The following TMEM108 variants were observed in gnomAD, a reference collection of about 807,000 sequenced individuals.
The protein encoded by TMEM108 is cancer/testis antigen 124.
Under a neutral mutation model 35.1 loss-of-function variants are expected in TMEM108, and 12 were observed. That is an observed-to-expected ratio of 0.34 (90% CI 0.22 to 0.55). The LOEUF is 0.55. Ranked by LOEUF, TMEM108 falls within the 20% of genes least tolerant of loss-of-function variation. The probability of loss-of-function intolerance (pLI) is 0.89; values close to 1 mark genes in which losing one functional copy is unlikely to be tolerated. For synonymous variants in TMEM108, 287 were observed against 308.6 expected, an observed-to-expected ratio of 0.93 and a Z score of 0.73; for missense variants, 680 against 753.3, an observed-to-expected ratio of 0.90 and a Z score of 1.14.
At chr3:133,213,134 A>G (rs1489905999) in intron 2 of TMEM108, among the ~76,000 whole-genome samples, 1 of 152,192 alleles carries the variant, frequency 6.6e-6, no homozygotes. Context: ...AGGCCCTGAG[A>G]TAACATGATG....
At chr3:133,389,383 G>A in intron 4 of TMEM108, 1 of 985,524 alleles carries the variant, frequency 1.0e-6, no homozygotes, top group Non-Finnish European at 1.2e-6. Flanking sequence ...GAATCAGCTG[G>A]TAAGAGCATA....
Position 133,395,915 on chromosome 3 carries a change from G to A in TMEM108, c.1657G>A (p.Gly553Arg). 1 of 1,608,016 alleles carries A rather than the reference G, an allele frequency of 6.2e-7. No individual in the cohort carries two copies. The highest frequency in any genetic ancestry group is 8.5e-7 in the Non-Finnish European group (1 of 1,177,504). The change falls in exon 6 of 6, where the codon GGG (glycine) becomes AGG (arginine). Residue 553 changes from glycine (G) to arginine (R), a missense_variant. Gly to Arg is a moderately radical substitution (Grantham distance 125). Transcript: ENST00000321871. ...SPANGDYRDT[G>R]MVLVNPFCQE... is the part of the protein sequence containing the mutation. ...AGCCAATGGCGACTATAGAGACACT[G>A]GGATGGTCCTTGTTAACCCCTTCTG...
intron 2 of TMEM108, among the ~76,000 whole-genome samples, chr3:133,116,533 A>G (rs1166125255): frequency 1.3e-5 from 2 of 152,124 alleles, no homozygotes; most frequent in Non-Finnish European, 2.9e-5. Context: ...CATATTACAT[A>G]TGCTTTTTTT....
At chr3:133,089,897 G>T (rs1943928066) in intron 2 of TMEM108, among the ~76,000 whole-genome samples, 1 of 152,314 alleles carries the variant, frequency 6.6e-6, no homozygotes, top group African/African-American at 2.4e-5. Context: ...TGTCAATTTA[G>T]CATGTGTTTA....
At position 133,243,925 on chromosome 3, in the gene TMEM108, C is replaced by T. The variant is rs559204396; in HGVS notation, c.40+14574C>T. On this transcript the variant is annotated intron_variant, in intron 3 of 5. Transcript: ENST00000321871. ...GTGGAGTGACTTATTAGGAAGGTTT[C>T]CCAGGAATAACTGATAGGGGAAAAG... Among the ~76,000 whole-genome samples the T allele has an allele frequency of 1.1e-4, 17 of 152,122 alleles. No homozygotes were observed. The East Asian group carries it at 2.9e-3, about 26-fold the overall frequency.
intron 2 of TMEM108, among the ~76,000 whole-genome samples, chr3:133,123,471 G>A (rs949635202): frequency 2.6e-5 from 4 of 152,148 alleles, no homozygotes; most frequent in South Asian, 2.1e-4. Flanking sequence ...GAAGAATGTC[G>A]TGTTTCTCCA....
At chr3:133,259,951 C>T (rs552286675) in intron 3 of TMEM108, among the ~76,000 whole-genome samples, 56 of 152,242 alleles carry the variant, frequency 3.7e-4, no homozygotes, top group African/African-American at 1.3e-3. Context: ...GGTAACAGAG[C>T]CCAGGAAAGG....
At chr3:133,263,653 C>G (rs1946656313) in intron 3 of TMEM108, among the ~76,000 whole-genome samples, 1 of 152,124 alleles carries the variant, frequency 6.6e-6, no homozygotes, top group South Asian at 2.1e-4. Flanking sequence ...AGTGAAGTAG[C>G]CCAAAATTAG....
At position 133,169,038 on chromosome 3, in the gene TMEM108, C is replaced by T. The variant is rs113007546; in HGVS notation, c.-46-60228C>T. The stretch of plus-strand genomic sequence containing the variant: ...AAGGAGCAAACTCCAGACACACCAT[C>T]TTTAAGAACTGTAACACTCACCGTG... On this transcript the variant is annotated intron_variant, in intron 2 of 5. Transcript: ENST00000321871. 2.0e-5 allele frequency among the ~76,000 whole-genome samples: 3 copies of T among 152,348 alleles called. 1 individual carries two copies. The highest frequency in any genetic ancestry group is 7.2e-5 in the African/African-American group (3 of 41,590).
intron 3 of TMEM108, among the ~76,000 whole-genome samples, chr3:133,277,384 T>C (rs1185527471): frequency 6.6e-6 from 1 of 152,222 alleles, no homozygotes; most frequent in African/African-American, 2.4e-5. Context: ...AGTAAATCTC[T>C]GTAAAGAGTA....
At chr3:133,190,247 A>C (rs1049862482) in intron 2 of TMEM108, among the ~76,000 whole-genome samples, 2 of 152,226 alleles carry the variant, frequency 1.3e-5, no homozygotes, top group African/African-American at 4.8e-5. Flanking sequence ...TCTGAGCCAG[A>C]GGGCTAATGT....
intron 2 of TMEM108, among the ~76,000 whole-genome samples, chr3:133,143,843 A>G (rs1944673940): frequency 2.0e-5 from 3 of 152,140 alleles, no homozygotes; most frequent in African/African-American, 7.2e-5. Flanking sequence ...CACTCATTCT[A>G]CTTCCCTGAC....
Position 133,382,981 on chromosome 3 carries a change from A to G in TMEM108, c.1450+1820A>G, listed in dbSNP as rs76473763. Among the ~76,000 whole-genome samples, 691 of 152,336 alleles carry G rather than the reference A, an allele frequency of 4.5e-3. 1 individual carries two copies. Among genetic ancestry groups the G allele is most frequent in the Non-Finnish European group, 8.0e-3 (544 of 68,030 alleles). On this transcript the variant is annotated intron_variant, in intron 4 of 5. Transcript: ENST00000321871. ...TTGCAAGTTGCATATTTCATTCTTA[A>G]TGAAAACAGCTTTATTGTCTCTCAT... is the stretch of plus-strand genomic sequence containing the variant.
intron 2 of TMEM108, among the ~76,000 whole-genome samples, chr3:133,179,351 G>A (rs1051344838): frequency 1.2e-4 from 19 of 152,178 alleles, no homozygotes; most frequent in Admixed American, 3.9e-4. Flanking sequence ...AAAGACACAT[G>A]CACACGTATG....
At chr3:133,314,079 G>A (rs2071167387) in intron 3 of TMEM108, among the ~76,000 whole-genome samples, 1 of 151,998 alleles carries the variant, frequency 6.6e-6, no homozygotes, top group African/African-American at 2.4e-5. Flanking sequence ...TTCCTGCCAT[G>A]CTTGTTCATG....
chr3:133,096,573 C>T (rs1186512171), intron 2 of TMEM108, among the ~76,000 whole-genome samples: 2 of 152,198 alleles, frequency 1.3e-5, no homozygotes, highest in African/African-American at 4.8e-5. Context: ...GGCCTCACCT[C>T]ATCCAAACAC....
At chr3:133,237,107 C>CA (rs1183843024) in intron 3 of TMEM108, among the ~76,000 whole-genome samples, 5 of 152,108 alleles carry the variant, frequency 3.3e-5, no homozygotes, top group Non-Finnish European at 5.9e-5. Context: ...CTGTGTCTCT[C>CA]AGAGTCATGG....
chr3:133,108,668 GGTGTTCATGTCCTTT>G lies in TMEM108; in HGVS notation c.-47+62651_-47+62665del, dbSNP rs200809405. ...TTTGGCTTTTGTTTCCATTGCTTTT[GGTGTTCATGTCCTTT>G]GTAGGGACATGGATGAAACTGGAAA... On this transcript the variant is annotated intron_variant, in intron 2 of 5. Transcript: ENST00000321871. 4.4e-3 allele frequency among the ~76,000 whole-genome samples: 665 copies of G among 151,996 alleles called. 11 individuals are homozygous for G. The highest frequency in any genetic ancestry group is 0.031 in the East Asian group (161 of 5,152).
At chr3:133,208,082 A>G (rs1246157671) in intron 2 of TMEM108, among the ~76,000 whole-genome samples, 1 of 152,190 alleles carries the variant, frequency 6.6e-6, no homozygotes, top group Non-Finnish European at 1.5e-5. Flanking sequence ...GCCATGGCAT[A>G]ATAGGCCCAG....
Sources: allele counts gnomAD v4.1 joint callset (sites outside exome capture counted in the v4.1 genomes callset), GRCh38; gene constraint gnomAD v4.1.1; transcripts MANE v1.5; gene names NCBI Gene and HGNC (gene_info 2026-07-23, HGNC 2026-07-21).